The following DNER variants were observed in gnomAD, a reference collection of about 807,000 sequenced individuals.
DNER encodes delta and Notch-like epidermal growth factor-related receptor.
DNER carries 33 observed loss-of-function variants against 78.2 expected under a neutral mutation model. The observed-to-expected ratio is 0.42, with a 90% CI of 0.32 to 0.56. DNER has a LOEUF of 0.56. Among genes scored for constraint, DNER ranks in the 20% least tolerant of loss-of-function variants. The pLI is 0.11. For missense variants in DNER, 918 were observed against 975.3 expected, an observed-to-expected ratio of 0.94 and a Z score of 0.78; for synonymous variants, 417 against 384.8, an observed-to-expected ratio of 1.08 and a Z score of -0.98.
chr2:229,379,838 T>C (rs1692694656), intron 11 of DNER, among the ~76,000 whole-genome samples: 1 of 152,216 alleles, frequency 6.6e-6, no homozygotes, highest in Non-Finnish European at 1.5e-5. Flanking sequence ...CAGACTGGAC[T>C]TAACATCCTA....
chr2:229,462,349 G>T (rs1033024020), intron 7 of DNER, among the ~76,000 whole-genome samples: 1 of 152,022 alleles, frequency 6.6e-6, no homozygotes, highest in South Asian at 2.1e-4. Flanking sequence ...TGCTGACAGG[G>T]TAAAGACAAT....
chr2:229,640,259 T>C (rs1698593996), intron 1 of DNER, among the ~76,000 whole-genome samples: 1 of 152,256 alleles, frequency 6.6e-6, no homozygotes, highest in Non-Finnish European at 1.5e-5. Flanking sequence ...GCCTCCTCTG[T>C]TCTCAGCTCT....
intron 4 of DNER, among the ~76,000 whole-genome samples, chr2:229,565,180 G>C (rs1174318713): frequency 6.6e-6 from 1 of 152,182 alleles, no homozygotes; most frequent in East Asian, 1.9e-4. Context: ...GTCTGAGGAA[G>C]AGGCTCTGGA....
chr2:229,504,650 A>G (rs1469914649), intron 6 of DNER, among the ~76,000 whole-genome samples: 3 of 152,240 alleles, frequency 2.0e-5, no homozygotes. Context: ...ATTTTATTAT[A>G]AAGAGATCTT....
At chr2:229,668,057 GTC>G (rs1356661392) in intron 1 of DNER, among the ~76,000 whole-genome samples, 1 of 152,140 alleles carries the variant, frequency 6.6e-6, no homozygotes, top group East Asian at 1.9e-4. Context: ...GCCAAATAGT[GTC>G]TCTTACTTCA....
chr2:229,415,410 C>T (rs1235229876), intron 9 of DNER, among the ~76,000 whole-genome samples: 1 of 152,166 alleles, frequency 6.6e-6, no homozygotes, highest in East Asian at 1.9e-4. Flanking sequence ...CTAAGCCACA[C>T]CTGGACCTAG....
intron 1 of DNER, among the ~76,000 whole-genome samples, chr2:229,698,254 G>A (rs973134417): frequency 6.6e-6 from 1 of 152,144 alleles, no homozygotes; most frequent in Non-Finnish European, 1.5e-5. Flanking sequence ...GAAGGGCAAA[G>A]TGAGGCAAGG....
intron 1 of DNER, among the ~76,000 whole-genome samples, chr2:229,628,915 C>G (rs1280774604): frequency 6.6e-6 from 1 of 152,178 alleles, no homozygotes; most frequent in Non-Finnish European, 1.5e-5. Context: ...GACTGCTTCC[C>G]CTAACATATT....
At chr2:229,666,130 A>G (rs933486641) in intron 1 of DNER, among the ~76,000 whole-genome samples, 2 of 152,128 alleles carry the variant, frequency 1.3e-5, no homozygotes, top group African/African-American at 4.8e-5. Flanking sequence ...TTGCCTCACT[A>G]TCCGCTACAC....
chr2:229,474,232 T>A (rs528136294), intron 7 of DNER, among the ~76,000 whole-genome samples: 20 of 152,046 alleles, frequency 1.3e-4, no homozygotes, highest in Non-Finnish European at 2.4e-4. Context: ...AAGTGCAAAG[T>A]GTTCTATAAA....
intron 5 of DNER, among the ~76,000 whole-genome samples, chr2:229,539,498 G>A (rs528400652): frequency 6.6e-6 from 1 of 152,328 alleles, no homozygotes; most frequent in East Asian, 1.9e-4. Flanking sequence ...GATGGCCTTA[G>A]ATCAGAGAAT....
intron 4 of DNER, among the ~76,000 whole-genome samples, chr2:229,572,409 C>A (rs1697232931): frequency 6.6e-6 from 1 of 152,170 alleles, no homozygotes; most frequent in Non-Finnish European, 1.5e-5. Flanking sequence ...ACTAGAGTAA[C>A]AATTACATGT....
chr2:229,395,469 T>G (rs191363903), intron 10 of DNER, among the ~76,000 whole-genome samples: 46 of 152,294 alleles, frequency 3.0e-4, no homozygotes, highest in Admixed American at 9.1e-4. Flanking sequence ...CACTGTCCAA[T>G]CCTGTAGTGT....
chr2:229,689,874 G>A (rs1280505467), intron 1 of DNER, among the ~76,000 whole-genome samples: 1 of 152,154 alleles, frequency 6.6e-6, no homozygotes, highest in African/African-American at 2.4e-5. Context: ...CTGACTTCTG[G>A]ATGCCCCATC....
chr2:229,579,500 G>A (rs530270272), intron 4 of DNER, among the ~76,000 whole-genome samples: 8 of 152,280 alleles, frequency 5.3e-5, no homozygotes, highest in South Asian at 2.1e-4. Context: ...CTGGGTGAGC[G>A]GAGAATGCTG....
intron 6 of DNER, among the ~76,000 whole-genome samples, chr2:229,492,956 C>A (rs1000460794): frequency 6.6e-6 from 1 of 152,196 alleles, no homozygotes; most frequent in Non-Finnish European, 1.5e-5. Context: ...GAGACCTGAG[C>A]CACCACACCC....
rs184742359 is a variant in DNER at position 229,648,527 on chromosome 2, C to T, written c.277-56639G>A. On this transcript the variant is annotated intron_variant, in intron 1 of 12. Coordinates refer to ENST00000341772, the MANE Select transcript of DNER (RefSeq NM_139072.4). ...CGCTTTTTGTACCACTTGGAAGTGC[C>T]GAATTGAAGCTGTCTAAAGTCGCTG... 7.2e-5 allele frequency among the ~76,000 whole-genome samples: 11 copies of T among 152,268 alleles called. No homozygotes were observed. The East Asian group carries it at 7.7e-4, about 11-fold the overall frequency.
At chr2:229,574,361 G>A (rs1697260684) in intron 4 of DNER, among the ~76,000 whole-genome samples, 1 of 152,092 alleles carries the variant, frequency 6.6e-6, no homozygotes, top group Non-Finnish European at 1.5e-5. Context: ...TGTAACGATA[G>A]CCTATTGATA....
intron 1 of DNER, among the ~76,000 whole-genome samples, chr2:229,707,083 G>A (rs187320284): frequency 1.7e-4 from 26 of 151,564 alleles, no homozygotes; most frequent in African/African-American, 4.6e-4. Flanking sequence ...ATGCGATCTC[G>A]GCTCACTGCA....
Sources: allele counts gnomAD v4.1 joint callset (sites outside exome capture counted in the v4.1 genomes callset), GRCh38; gene constraint gnomAD v4.1.1; transcripts MANE v1.5; gene names NCBI Gene and HGNC (gene_info 2026-07-23, HGNC 2026-07-21).